The following EFCAB11 variants were observed in gnomAD, a reference collection of about 807,000 sequenced individuals.
EFCAB11 encodes EF-hand calcium-binding domain-containing protein 11.
In EFCAB11, 14 loss-of-function variants were observed where a neutral mutation model predicts 23.0. The ratio of observed to expected loss-of-function variants is 0.61; its 90% CI spans 0.40 to 0.95. The LOEUF (loss-of-function observed/expected upper bound fraction) is 0.95. EFCAB11 is among the 40% of genes least tolerant of loss of function. EFCAB11 has a pLI of 0.00. For synonymous variants in EFCAB11, 65 were observed against 66.6 expected (o/e 0.98, Z 0.11); for missense variants, 198 against 195.8 (o/e 1.01, Z -0.07).
chr14:89,849,199 T>G (rs1048903974), intron 5 of EFCAB11, among the ~76,000 whole-genome samples: 7 of 152,190 alleles, frequency 4.6e-5, no homozygotes, highest in African/African-American at 1.7e-4. Context: ...TATGGTTGCT[T>G]CACCTCTAGG....
chr14:89,878,313 A>G (rs1888503533), intron 5 of EFCAB11, among the ~76,000 whole-genome samples: 1 of 152,210 alleles, frequency 6.6e-6, no homozygotes, highest in African/African-American at 2.4e-5. Context: ...ACTGCCAGGT[A>G]TGGGATGAAT....
chr14:89,841,667 T>C (rs576412213), intron 5 of EFCAB11, among the ~76,000 whole-genome samples: 29 of 152,164 alleles, frequency 1.9e-4, no homozygotes, highest in African/African-American at 6.0e-4. Context: ...CTTGCCTCAG[T>C]GCTCACATAG....
At chr14:89,838,479 C>CA (rs1887154333) in intron 5 of EFCAB11, among the ~76,000 whole-genome samples, 1 of 147,946 alleles carries the variant, frequency 6.8e-6, no homozygotes, top group Admixed American at 6.7e-5. Context: ...AAAGGAAAGT[C>CA]AAAAAAACAC....
At chr14:89,839,706 C>A (rs1887197103) in intron 5 of EFCAB11, among the ~76,000 whole-genome samples, 1 of 151,674 alleles carries the variant, frequency 6.6e-6, no homozygotes, top group African/African-American at 2.4e-5. Context: ...AGCATGGTGG[C>A]TTCTGCTTCT....
intron 5 of EFCAB11, among the ~76,000 whole-genome samples, chr14:89,853,978 G>A (rs1281939919): frequency 6.6e-6 from 1 of 152,040 alleles, no homozygotes; most frequent in Non-Finnish European, 1.5e-5. Flanking sequence ...TATAATAACA[G>A]CTAAATGTGT....
intron 2 of EFCAB11, among the ~76,000 whole-genome samples, chr14:89,952,072 C>A (rs1184559502): frequency 1.3e-5 from 2 of 152,110 alleles, no homozygotes; most frequent in African/African-American, 4.8e-5. Flanking sequence ...CAAACCTCAA[C>A]CTAGTCTAAA....
chr14:89,835,065 T>C (rs1334512590), intron 5 of EFCAB11, among the ~76,000 whole-genome samples: 1 of 152,212 alleles, frequency 6.6e-6, no homozygotes, highest in Non-Finnish European at 1.5e-5. Flanking sequence ...TATGCTTTGA[T>C]GACTTCTATT....
intron 5 of EFCAB11, among the ~76,000 whole-genome samples, chr14:89,814,786 T>C (rs1886275983): frequency 1.3e-5 from 2 of 152,148 alleles, no homozygotes; most frequent in South Asian, 4.1e-4. Context: ...GCTGCTTTCC[T>C]ACCTAGCATA....
chr14:89,877,420 G>A (rs1246212435), intron 5 of EFCAB11, among the ~76,000 whole-genome samples: 1 of 152,174 alleles, frequency 6.6e-6, no homozygotes, highest in Non-Finnish European at 1.5e-5. Flanking sequence ...TAAAAGGGCA[G>A]AATAAAGTAC....
chr14:89,809,018 C>A (rs1886064241), intron 5 of EFCAB11, among the ~76,000 whole-genome samples: 1 of 152,192 alleles, frequency 6.6e-6, no homozygotes, highest in Admixed American at 6.5e-5. Context: ...TCTATCCCTG[C>A]ATTAATTCTC....
At chr14:89,880,046 A>G (rs1888554149) in intron 5 of EFCAB11, among the ~76,000 whole-genome samples, 1 of 152,194 alleles carries the variant, frequency 6.6e-6, no homozygotes, top group Non-Finnish European at 1.5e-5. Flanking sequence ...GTTTCCATTT[A>G]TTCTAAATGT....
At chr14:89,906,212 TAAATA>T (rs1889494387) in intron 5 of EFCAB11, among the ~76,000 whole-genome samples, 5 of 150,622 alleles carry the variant, frequency 3.3e-5, no homozygotes, top group African/African-American at 9.8e-5. Context: ...AATAAATAAA[TAAATA>T]AATTAAAGGT....
intron 5 of EFCAB11, among the ~76,000 whole-genome samples, chr14:89,910,887 G>A (rs1396928086): frequency 6.6e-6 from 1 of 152,154 alleles, no homozygotes; most frequent in Non-Finnish European, 1.5e-5. Flanking sequence ...CTAATGATTG[G>A]AGGACAGGGT....
chr14:89,905,385 A>G (rs1320755591), intron 5 of EFCAB11, among the ~76,000 whole-genome samples: 1 of 152,204 alleles, frequency 6.6e-6, no homozygotes, highest in Non-Finnish European at 1.5e-5. Context: ...AGAGAGAGAC[A>G]GATCACATTG....
chr14:89,815,244 A>G (rs1249823899), intron 5 of EFCAB11, among the ~76,000 whole-genome samples: 1 of 152,200 alleles, frequency 6.6e-6, no homozygotes, highest in Non-Finnish European at 1.5e-5. Context: ...AGAAGGCACA[A>G]AAACTTTTCA....
At chr14:89,857,466 G>A (rs1295623531) in intron 5 of EFCAB11, among the ~76,000 whole-genome samples, 1 of 152,092 alleles carries the variant, frequency 6.6e-6, no homozygotes, top group Non-Finnish European at 1.5e-5. Context: ...ATGCCTTTGG[G>A]TTGATTTTTT....
At chr14:89,847,374 A>G (rs1887461046) in intron 5 of EFCAB11, among the ~76,000 whole-genome samples, 1 of 152,170 alleles carries the variant, frequency 6.6e-6, no homozygotes, top group Non-Finnish European at 1.5e-5. Flanking sequence ...ACCACTGAGA[A>G]CATTCACAAA....
chr14:89,844,416 T>G, intron 5 of EFCAB11, among the ~76,000 whole-genome samples: 1 of 152,202 alleles, frequency 6.6e-6, no homozygotes. Flanking sequence ...ACCATTGCCT[T>G]TGCACCATCA....
intron 5 of EFCAB11, among the ~76,000 whole-genome samples, chr14:89,846,578 C>A (rs1374046274): frequency 6.6e-6 from 1 of 152,178 alleles, no homozygotes; most frequent in Admixed American, 6.5e-5. Context: ...ATCAGCTACC[C>A]AGGCTTCTCT....
Sources: gnomAD v4.1 joint callset for allele counts (sites outside exome capture counted in the v4.1 genomes callset) on GRCh38, gnomAD v4.1.1 for gene constraint, MANE v1.5 for transcripts, NCBI Gene and HGNC (gene_info 2026-07-23, HGNC 2026-07-21) for gene names.